Variants in NAV3 observed in about 807,000 individuals in gnomAD.
NAV3 encodes pore membrane and/or filament interacting like protein 1.
A neutral mutation model predicts 244.7 loss-of-function variants in NAV3; 87 were observed. That is an observed-to-expected ratio of 0.36 (90% CI 0.30 to 0.42). The LOEUF is 0.42. Ranked by LOEUF, NAV3 falls within the 20% of genes least tolerant of loss-of-function variation. NAV3 has a pLI of 1.00. For missense variants in NAV3, 2,663 were observed against 2,893.3 expected (o/e 0.92, Z 1.83); for synonymous variants, 1,126 against 1,042.2 (o/e 1.08, Z -1.55).
chr12:78,136,603 T>C (rs947998289), intron 18 of NAV3, among the ~76,000 whole-genome samples: 10 of 152,302 alleles, frequency 6.6e-5, no homozygotes, highest in Admixed American at 6.5e-4. Flanking sequence ...AGATACCATG[T>C]ATGTTACATT....
intron 36 of NAV3, among the ~76,000 whole-genome samples, chr12:78,198,880 CT>C (rs1283563082): frequency 6.9e-6 from 1 of 144,314 alleles, no homozygotes; most frequent in Admixed American, 7.2e-5. Flanking sequence ...GTTTTGTGAT[CT>C]TCAACCTGTA....
intron 5 of NAV3, among the ~76,000 whole-genome samples, chr12:77,978,823 T>C (rs1868984885): frequency 6.6e-6 from 1 of 151,962 alleles, no homozygotes; most frequent in Non-Finnish European, 1.5e-5. Flanking sequence ...TCTTTCTGAT[T>C]GATCTCTCAG....
rs150526320 is a variant in NAV3, at chr12:77,936,113, A to G, written c.244-4206A>G. On this transcript the variant is annotated intron_variant, in intron 1 of 39. Coordinates refer to ENST00000397909, the MANE Select transcript of NAV3 (RefSeq NM_001024383.2). ...AGAAATGTTCAATCAAAGTCTGCAC[A>G]AATATTAAGTGGCAGAGCAGACATT... is the stretch of plus-strand genomic sequence containing the variant. Among the ~76,000 whole-genome samples, 563 of 152,332 alleles carry G rather than the reference A, an allele frequency of 3.7e-3. 7 individuals are homozygous for G. The highest frequency in any genetic ancestry group is 0.013 in the African/African-American group (528 of 41,560).
At chr12:77,814,651 G>A (rs2136011533) in intron 2 of NAV3, among the ~76,000 whole-genome samples, 1 of 152,172 alleles carries the variant, frequency 6.6e-6, no homozygotes, top group South Asian at 2.1e-4. Context: ...AATAGCACAG[G>A]CCTACTTTCG....
intron 23 of NAV3, 79 bp from the exon 24 acceptor site, chr12:78,168,676 C>A: frequency 3.3e-6 from 3 of 901,868 alleles, no homozygotes; most frequent in South Asian, 1.8e-5. Flanking sequence ...AAAATCAAAC[C>A]TTTTTAATTC....
At chr12:77,866,679 G>A (rs1880085070) in intron 1 of NAV3, among the ~76,000 whole-genome samples, 4 of 152,138 alleles carry the variant, frequency 2.6e-5, no homozygotes, top group Admixed American at 2.6e-4. Context: ...AACCTCATAT[G>A]TTTGAAGCAT....
intron 18 of NAV3, among the ~76,000 whole-genome samples, chr12:78,136,677 A>G (rs1353496430): frequency 6.6e-6 from 1 of 152,200 alleles, no homozygotes; most frequent in Admixed American, 6.6e-5. Context: ...GATAATAATG[A>G]TGGTCCTAAT....
chr12:77,882,670 A>G lies in NAV3; in HGVS notation c.243+50966A>G, dbSNP rs766536663. The stretch of plus-strand genomic sequence containing the variant: ...CCTTAGAGCATAGGAGAAAATATTC[A>G]CAAACTATGTATTCAATGAAGTTCT... On this transcript the variant is annotated intron_variant, in intron 1 of 39. Transcript: ENST00000397909. Among the ~76,000 whole-genome samples, 100 of 152,226 alleles carry G rather than the reference A, an allele frequency of 6.6e-4. No individual in the cohort carries two copies. The Middle Eastern group carries it at 0.02, about 31-fold the overall frequency.
At chr12:77,921,641 C>T (rs1347164919) in intron 1 of NAV3, among the ~76,000 whole-genome samples, 1 of 151,940 alleles carries the variant, frequency 6.6e-6, no homozygotes, top group African/African-American at 2.4e-5. Flanking sequence ...CAATTTCTAA[C>T]GTGAAAGATG....
chr12:78,141,842 T>C (rs1956629797), intron 20 of NAV3, among the ~76,000 whole-genome samples: 1 of 152,192 alleles, frequency 6.6e-6, no homozygotes, highest in Non-Finnish European at 1.5e-5. Flanking sequence ...TGTTGGGGAA[T>C]TGTATTCTGA....
intron 1 of NAV3, among the ~76,000 whole-genome samples, chr12:77,884,289 A>C (rs1235669161): frequency 6.6e-6 from 1 of 152,134 alleles, no homozygotes; most frequent in African/African-American, 2.4e-5. Context: ...ATTGACAGAT[A>C]GATTGATAGA....
At chr12:78,200,443 T>G in intron 37 of NAV3, 30 bp from the exon 38 acceptor site, 1 of 1,345,906 alleles carries the variant, frequency 7.4e-7, no homozygotes, top group Non-Finnish European at 1.0e-6. Flanking sequence ...ATATAACTCT[T>G]AAAATATTTT....
intron 12 of NAV3, among the ~76,000 whole-genome samples, chr12:78,115,767 C>G (rs1033224185): frequency 6.6e-6 from 1 of 152,138 alleles, no homozygotes. Flanking sequence ...CAGTAACATG[C>G]TGTACACCTA....
At chr12:77,851,458 C>T (rs7488384) in intron 1 of NAV3, among the ~76,000 whole-genome samples, 117,009 of 152,116 alleles carry the variant, frequency 0.77, 47,133 homozygotes, top group East Asian at 1. Flanking sequence ...AAGAAAAGTT[C>T]TTGAATTTGG....
intron 2 of NAV3, among the ~76,000 whole-genome samples, chr12:77,805,321 A>G (rs1421130064): frequency 3.3e-5 from 5 of 152,158 alleles, no homozygotes. Flanking sequence ...AACAGCTTTT[A>G]TTAGTTTGAG....
chr12:77,798,332 C>G (rs939038034), intron 2 of NAV3, among the ~76,000 whole-genome samples: 3 of 152,034 alleles, frequency 2.0e-5, no homozygotes, highest in African/African-American at 7.2e-5. Flanking sequence ...AGCATTTCCA[C>G]TAATATTTTT....
At chr12:77,620,534 C>G (rs1473254659) in intron 2 of NAV3, among the ~76,000 whole-genome samples, 6 of 151,910 alleles carry the variant, frequency 3.9e-5, no homozygotes, top group African/African-American at 1.5e-4. Context: ...GCGATCTCGG[C>G]TCACTGCAAT....
rs578227162 is a variant in NAV3, at chr12:78,082,276, A to G, written c.2636+23161A>G. Among the ~76,000 whole-genome samples the G allele has an allele frequency of 6.6e-5, 10 of 152,302 alleles. No homozygotes were observed. In the South Asian group the frequency reaches 2.1e-3, roughly 32 times the overall value. On this transcript the variant is annotated intron_variant, in intron 12 of 39. Coordinates refer to ENST00000397909, the MANE Select transcript of NAV3 (RefSeq NM_001024383.2). ...TCTCAGGTATGTCTTTATGAGCAGC[A>G]TGAGAACAGACTAATACATGGCTTA... is the stretch of plus-strand genomic sequence containing the variant.
chr12:77,692,935 G>A (rs1875104851), intron 2 of NAV3, among the ~76,000 whole-genome samples: 2 of 152,236 alleles, frequency 1.3e-5, no homozygotes, highest in South Asian at 4.1e-4. Flanking sequence ...ATCAGTGAAA[G>A]CTTCCCTAAA....
Sources: allele counts gnomAD v4.1 joint callset (sites outside exome capture counted in the v4.1 genomes callset), GRCh38; gene constraint gnomAD v4.1.1; transcripts MANE v1.5; gene names NCBI Gene and HGNC (gene_info 2026-07-23, HGNC 2026-07-21).